The following GNB4 variants were observed in gnomAD, a reference collection of about 807,000 sequenced individuals.
GNB4 encodes G protein subunit beta 4.
Under a neutral mutation model 45.2 loss-of-function variants are expected in GNB4, and 28 were observed. That is an observed-to-expected ratio of 0.62 (90% CI 0.46 to 0.85). The LOEUF (loss-of-function observed/expected upper bound fraction) is 0.85, where lower values mean the gene tolerates loss of function less well. GNB4 is among the 40% of genes least tolerant of loss of function. The pLI is 0.00. For missense variants in GNB4, 321 were observed against 425.4 expected (o/e 0.75, Z 2.16); for synonymous variants, 132 against 143.7 (o/e 0.92, Z 0.58).
the GNB4 span, among the ~76,000 whole-genome samples, chr3:179,491,006 G>A: frequency 1.4e-3 from 210 of 152,224 alleles, 3 homozygotes; most frequent in East Asian, 0.034. Context: ...GAAAAAAGAC[G>A]ATCAATGGAT....
intron 1 of GNB4, among the ~76,000 whole-genome samples, chr3:179,442,543 A>G (rs1048758598): frequency 5.3e-5 from 8 of 152,046 alleles, no homozygotes; most frequent in African/African-American, 1.9e-4. Flanking sequence ...TACATGACCC[A>G]CTCAAGCATT....
At chr3:179,476,336 G>A in the GNB4 span, among the ~76,000 whole-genome samples, 1,229 of 152,312 alleles carry the variant, frequency 8.1e-3, 7 homozygotes, top group Middle Eastern at 0.017. Flanking sequence ...TGGGCACAAC[G>A]GGGTTGAGGT....
chr3:179,524,077 G>C, the GNB4 span, among the ~76,000 whole-genome samples: 1 of 152,220 alleles, frequency 6.6e-6, no homozygotes, highest in African/African-American at 2.4e-5. Context: ...AATGTGGAGT[G>C]GGTAGCCTCC....
chr3:179,514,050 G>T, the GNB4 span, among the ~76,000 whole-genome samples: 4 of 152,202 alleles, frequency 2.6e-5, no homozygotes, highest in African/African-American at 9.6e-5. Flanking sequence ...TGATGACAAG[G>T]ATGAATCAGA....
chr3:179,489,056 TAATAA>T, the GNB4 span, among the ~76,000 whole-genome samples: 1 of 108,430 alleles, frequency 9.2e-6, no homozygotes, highest in Admixed American at 1.1e-4. Flanking sequence ...AATATATATG[TAATAA>T]AATAACTACC....
the GNB4 span, among the ~76,000 whole-genome samples, chr3:179,491,916 A>G: frequency 6.6e-6 from 1 of 152,240 alleles, no homozygotes. Flanking sequence ...ATAGAGAATT[A>G]GAAGGTTTCC....
rs918718612 is a variant in GNB4, at chr3:179,449,684, C to T, written c.-43+1662G>A. 6.6e-5 allele frequency among the ~76,000 whole-genome samples: 10 copies of T among 152,154 alleles called. No homozygotes were observed. In the South Asian group the frequency reaches 8.3e-4, roughly 13 times the overall value. On this transcript the variant is annotated intron_variant, in intron 1 of 9. Coordinates refer to ENST00000232564, the MANE Select transcript of GNB4 (RefSeq NM_021629.4). ...TAAGTAGAATAACTTACAGCACTGC[C>T]CCAGCCCAGAAGAGATATTTTAATA...
chr3:179,405,598 A>G (rs1714445814), intron 8 of GNB4, 192 bp from the exon 9 acceptor site: 3 of 555,104 alleles, frequency 5.4e-6, no homozygotes, highest in East Asian at 2.9e-5. Context: ...ACTGAATTAA[A>G]TAACATATGC....
intron 6 of GNB4, 89 bp downstream of exon 6, chr3:179,414,796 C>A (rs1714749241): frequency 3.8e-6 from 4 of 1,058,930 alleles, no homozygotes; most frequent in Middle Eastern, 2.5e-4. Context: ...CATCCTTTAG[C>A]CAGCCGAGCA....
At chr3:179,441,965 G>A (rs1248479850) in intron 1 of GNB4, among the ~76,000 whole-genome samples, 2 of 151,760 alleles carry the variant, frequency 1.3e-5, no homozygotes, top group South Asian at 2.1e-4. Flanking sequence ...CCGCCACCAC[G>A]CCTGGCTAAT....
chr3:179,521,500 C>A, the GNB4 span, among the ~76,000 whole-genome samples: 2 of 152,062 alleles, frequency 1.3e-5, no homozygotes, highest in South Asian at 4.1e-4. Context: ...GACTGCACCC[C>A]AAAAAAACTT....
chr3:179,402,245 T>C (rs16830428), intron 9 of GNB4, among the ~76,000 whole-genome samples: 1,645 of 152,268 alleles, frequency 0.011, 51 homozygotes, highest in East Asian at 0.087. Flanking sequence ...CAAGTCAGGA[T>C]CCAATTTTAA....
the GNB4 span, among the ~76,000 whole-genome samples, chr3:179,463,932 T>C: frequency 6.6e-6 from 1 of 152,158 alleles, no homozygotes; most frequent in South Asian, 2.1e-4. Flanking sequence ...CCCTGGCCAA[T>C]ACTGTATTAT....
At chr3:179,518,876 A>C in the GNB4 span, among the ~76,000 whole-genome samples, 3 of 152,160 alleles carry the variant, frequency 2.0e-5, no homozygotes, top group African/African-American at 4.8e-5. Flanking sequence ...TTTATTACCT[A>C]ATCTGCTCCC....
the GNB4 span, among the ~76,000 whole-genome samples, chr3:179,484,893 G>C: frequency 6.7e-6 from 1 of 150,196 alleles, no homozygotes; most frequent in African/African-American, 2.5e-5. Flanking sequence ...CATTAAACAA[G>C]GTTATGTGTT....
chr3:179,465,139 C>G, the GNB4 span: 2 of 1,306,242 alleles, frequency 1.5e-6, no homozygotes, highest in Non-Finnish European at 2.2e-6. Context: ...CAGATATGAT[C>G]AAGGAAGAAG....
chr3:179,453,196 C>T (rs1459699798), upstream of GNB4, among the ~76,000 whole-genome samples: 5 of 152,094 alleles, frequency 3.3e-5, no homozygotes, highest in Non-Finnish European at 7.4e-5. Flanking sequence ...GATGTCAGCT[C>T]ACTGCAACCT....
the GNB4 span, among the ~76,000 whole-genome samples, chr3:179,507,024 G>A: frequency 6.6e-6 from 1 of 152,132 alleles, no homozygotes; most frequent in Non-Finnish European, 1.5e-5. Flanking sequence ...CCCATTCTGA[G>A]GAAATAGTAC....
the GNB4 span, among the ~76,000 whole-genome samples, chr3:179,518,314 A>G: frequency 6.6e-6 from 1 of 152,144 alleles, no homozygotes. Flanking sequence ...AAATGGACAA[A>G]CAGTCTGAGG....
Sources: gnomAD v4.1 joint callset for allele counts (sites outside exome capture counted in the v4.1 genomes callset) on GRCh38, gnomAD v4.1.1 for gene constraint, MANE v1.5 for transcripts, NCBI Gene and HGNC (gene_info 2026-07-23, HGNC 2026-07-21) for gene names.